The following BTBD9 variants were observed in gnomAD, a reference collection of about 807,000 sequenced individuals.
BTBD9 encodes the protein BTB/POZ domain-containing protein 9.
A neutral mutation model predicts 64.3 loss-of-function variants in BTBD9; 49 were observed. The observed-to-expected ratio is 0.76, with a 90% CI of 0.61 to 0.97. BTBD9 has a LOEUF of 0.97. Among genes scored for constraint, BTBD9 ranks in the 50% least tolerant of loss-of-function variants. The pLI, the probability that BTBD9 is intolerant of heterozygous loss-of-function variation, is 0.00. For synonymous variants in BTBD9, 260 were observed against 274.7 expected, an observed-to-expected ratio of 0.95 and a Z score of 0.53; for missense variants, 598 against 762.1, an observed-to-expected ratio of 0.78 and a Z score of 2.53.
At chr6:38,471,505 T>C (rs1229529553) in intron 6 of BTBD9, among the ~76,000 whole-genome samples, 1 of 152,176 alleles carries the variant, frequency 6.6e-6, no homozygotes, top group Non-Finnish European at 1.5e-5. Flanking sequence ...AGAATAAATA[T>C]AGGTAACAAG....
chr6:38,569,501 A>G (rs1311658186), intron 6 of BTBD9, among the ~76,000 whole-genome samples: 1 of 152,218 alleles, frequency 6.6e-6, no homozygotes, highest in African/African-American at 2.4e-5. Flanking sequence ...TTTCAGAATG[A>G]AAAACAGGCA....
At chr6:38,364,852 A>C (rs943151639) in intron 6 of BTBD9, among the ~76,000 whole-genome samples, 40 of 152,190 alleles carry the variant, frequency 2.6e-4, no homozygotes, top group Non-Finnish European at 4.6e-4. Context: ...GGCCCTGTAG[A>C]TCTTGAGAAA....
At chr6:38,543,499 T>A (rs1416646468) in intron 6 of BTBD9, among the ~76,000 whole-genome samples, 2 of 152,238 alleles carry the variant, frequency 1.3e-5, no homozygotes, top group Admixed American at 1.3e-4. Flanking sequence ...TAAGAGCTCT[T>A]ACAATTTTCA....
intron 6 of BTBD9, among the ~76,000 whole-genome samples, chr6:38,357,429 T>C (rs1764768307): frequency 6.6e-6 from 1 of 152,212 alleles, no homozygotes; most frequent in South Asian, 2.1e-4. Flanking sequence ...AGAAAATCTC[T>C]TTACTGTTAT....
chr6:38,371,598 C>T (rs905163386), intron 6 of BTBD9, among the ~76,000 whole-genome samples: 8 of 152,148 alleles, frequency 5.3e-5, no homozygotes, highest in Non-Finnish European at 8.8e-5. Context: ...TCATTAATGT[C>T]GGCCAGGCTG....
At chr6:38,218,047 A>T (rs529045592) in intron 9 of BTBD9, among the ~76,000 whole-genome samples, 2 of 152,294 alleles carry the variant, frequency 1.3e-5, no homozygotes, top group South Asian at 4.1e-4. Flanking sequence ...CTAGCTCAGC[A>T]GTCACGTGAG....
At chr6:38,293,873 G>A (rs1298742197) in intron 7 of BTBD9, among the ~76,000 whole-genome samples, 1 of 152,122 alleles carries the variant, frequency 6.6e-6, no homozygotes, top group African/African-American at 2.4e-5. Flanking sequence ...CATCATCAGA[G>A]TGAACAGGCA....
Position 38,174,922 on chromosome 6 carries a change from G to A in BTBD9, c.*63C>T. On this transcript the variant is annotated 3_prime_UTR_variant, in exon 11 of 11. Transcript: ENST00000481247. ...GGCAGTCAACAGAGACCCCTGCTCA[G>A]GGAGGAGACCGTTTCCTGCCGTTGC... 1 of 1,584,452 alleles carries A rather than the reference G, an allele frequency of 6.3e-7. No homozygotes were observed. Among genetic ancestry groups the A allele is most frequent in the Non-Finnish European group, 8.6e-7 (1 of 1,162,276 alleles).
At chr6:38,446,853 A>G (rs1769300723) in intron 6 of BTBD9, among the ~76,000 whole-genome samples, 1 of 152,226 alleles carries the variant, frequency 6.6e-6, no homozygotes. Flanking sequence ...GCAGAGCGGG[A>G]TCAGTCTTTC....
intron 7 of BTBD9, among the ~76,000 whole-genome samples, chr6:38,291,959 T>C (rs1480772106): frequency 1.4e-5 from 2 of 147,898 alleles, no homozygotes; most frequent in Non-Finnish European, 2.9e-5. Flanking sequence ...ATTTTCTTTT[T>C]TCTTTCTTTT....
intron 6 of BTBD9, among the ~76,000 whole-genome samples, chr6:38,496,653 CT>C (rs1025260278): frequency 3.6e-5 from 5 of 137,540 alleles, no homozygotes; most frequent in African/African-American, 1.4e-4. Flanking sequence ...GACCCTGTCT[CT>C]TAAAAAAAAA....
chr6:38,536,706 G>A (rs1774035482), intron 6 of BTBD9, among the ~76,000 whole-genome samples: 1 of 152,128 alleles, frequency 6.6e-6, no homozygotes. Flanking sequence ...AGTGAAATAA[G>A]CCAGGCACAG....
chr6:38,206,807 C>A (rs1762671424), intron 9 of BTBD9, among the ~76,000 whole-genome samples: 1 of 151,250 alleles, frequency 6.6e-6, no homozygotes, highest in Non-Finnish European at 1.5e-5. Context: ...TAGGAAATAG[C>A]AGAATAAGCA....
Position 38,303,874 on chromosome 6 carries a change from T to TATATATATATATATAC in BTBD9, c.1265-15414_1265-15413insGTATATATATATATAT, listed in dbSNP as rs368257334. 5.0e-3 allele frequency among the ~76,000 whole-genome samples: 412 copies of TATATATATATATATAC among 82,344 alleles called. 7 individuals are homozygous for TATATATATATATATAC. The highest frequency in any genetic ancestry group is 8.2e-3 in the Non-Finnish European group (346 of 42,376). The allele number at this position is 82,344 out of a possible 152,430, so 54.0% of individuals were successfully genotyped here. A position where few individuals can be genotyped will look rare whatever the true frequency, so the allele number is the denominator to read the frequency against. ...ATATATATATATATATATATATATA[T>TATATATATATATATAC]ACACACACACACATGTGTATATATA... is the stretch of plus-strand genomic sequence containing the variant. On this transcript the variant is annotated intron_variant, in intron 7 of 10. Coordinates refer to ENST00000481247, the MANE Select transcript of BTBD9 (RefSeq NM_001099272.2).
chr6:38,346,646 A>T (rs76170887), intron 6 of BTBD9, among the ~76,000 whole-genome samples: 2 of 152,154 alleles, frequency 1.3e-5, no homozygotes. Context: ...TTCATTCAAC[A>T]TAAGTTCTTA....
chr6:38,424,508 TA>T (rs1768055655), intron 6 of BTBD9, among the ~76,000 whole-genome samples: 1 of 151,888 alleles, frequency 6.6e-6, no homozygotes, highest in South Asian at 2.1e-4. Flanking sequence ...TTATAAAAAG[TA>T]TATTTTTAAA....
At chr6:38,550,839 A>G (rs1774767981) in intron 6 of BTBD9, among the ~76,000 whole-genome samples, 1 of 152,148 alleles carries the variant, frequency 6.6e-6, no homozygotes, top group African/African-American at 2.4e-5. Flanking sequence ...CCTTGGCTCA[A>G]TACCCTCCAG....
intron 9 of BTBD9, among the ~76,000 whole-genome samples, chr6:38,247,202 T>C (rs867268642): frequency 6.6e-6 from 1 of 151,854 alleles, no homozygotes; most frequent in Non-Finnish European, 1.5e-5. Context: ...TAGATTTAAA[T>C]GTACCATTTT....
chr6:38,537,992 C>T (rs1368591064), intron 6 of BTBD9, among the ~76,000 whole-genome samples: 1 of 152,158 alleles, frequency 6.6e-6, no homozygotes, highest in Non-Finnish European at 1.5e-5. Flanking sequence ...AAAGAGCCTG[C>T]CTATCAGCCC....
Sources: allele counts gnomAD v4.1 joint callset (sites outside exome capture counted in the v4.1 genomes callset), GRCh38; gene constraint gnomAD v4.1.1; transcripts MANE v1.5; gene names NCBI Gene and HGNC (gene_info 2026-07-23, HGNC 2026-07-21).